SLC12A4: variants seen among roughly 807,000 people sequenced by gnomAD.
SLC12A4 encodes the protein solute carrier family 12 member 4.
In SLC12A4, 84 loss-of-function variants were observed where a neutral mutation model predicts 119.2. The ratio of observed to expected loss-of-function variants is 0.70; its 90% CI spans 0.59 to 0.85. The LOEUF is 0.85. Among genes scored for constraint, SLC12A4 ranks in the 40% least tolerant of loss-of-function variants. The pLI is 0.00. For synonymous variants in SLC12A4, 599 were observed against 604.6 expected (o/e 0.99, Z 0.14); for missense variants, 1,298 against 1,476.3 (o/e 0.88, Z 1.98).
intron 1 of SLC12A4, among the ~76,000 whole-genome samples, chr16:67,965,619 C>T (rs1249651893): frequency 6.6e-6 from 1 of 152,134 alleles, no homozygotes; most frequent in Non-Finnish European, 1.5e-5. Context: ...ACAGCCTGCC[C>T]CATCACTGTT....
chr16:67,950,311 G>C lies in SLC12A4; in HGVS notation c.1629+8C>G. The C allele has an allele frequency of 6.2e-7, 1 of 1,613,106 alleles. No homozygotes were observed. Among genetic ancestry groups the C allele is most frequent in the Non-Finnish European group, 8.5e-7 (1 of 1,179,700 alleles). The stretch of plus-strand genomic sequence containing the variant: ...AGCCAGGCCATGGGGGAGTGCAGAG[G>C]GGCTCACCCGGAGGAAGGGGATGAT... On this transcript the variant is annotated splice_region_variant and intron_variant, in intron 12 of 23. Transcript: ENST00000316341. This position sits in a 1 kb window ranked among gnomAD's most constrained non-coding sequence, Gnocchi z 4.3.
Position 67,944,448 on chromosome 16 carries a change from T to C in SLC12A4, c.*392A>G. ...TGAGCCAGATCTTCCTGCAGGCAGC[T>C]GGGCTGGACTCCCTCCCTGGCTACC... is the stretch of plus-strand genomic sequence containing the variant. On this transcript the variant is annotated 3_prime_UTR_variant, in exon 24 of 24. Transcript: ENST00000316341. This position sits in a 1 kb window ranked among gnomAD's most constrained non-coding sequence, Gnocchi z 6.6. 8.0e-7 allele frequency: 1 copy of C among 1,254,936 alleles called. No homozygotes were observed. The highest frequency in any genetic ancestry group is 1.0e-6 in the Non-Finnish European group (1 of 997,676). 77.7% of individuals were successfully genotyped at this position (1,254,936 alleles called of 1,614,324 possible).
rs746600912 is a variant in SLC12A4, at chr16:67,943,530, G to A, written c.*1310C>T. ...CAAGGTGGGAACAGATAGGTCTGGG[G>A]GCATGGGGGCTGGGCCTAATAGGGG... On this transcript the variant is annotated 3_prime_UTR_variant, in exon 24 of 24. Transcript: ENST00000316341. This position sits in a 1 kb window ranked among gnomAD's most constrained non-coding sequence, Gnocchi z 4.6. 3.9e-4 allele frequency: 199 copies of A among 516,688 alleles called. No homozygotes were observed. The highest frequency in any genetic ancestry group is 3.2e-3 in the Admixed American group (99 of 31,128). The allele number at this position is 516,688 out of a possible 1,614,324, so 32.0% of individuals were successfully genotyped here.
rs201080087 is a variant in SLC12A4, at chr16:67,958,071, A to G, written c.343-27T>C. On this transcript the variant is annotated intron_variant, in intron 3 of 23. Coordinates refer to ENST00000316341, the MANE Select transcript of SLC12A4 (RefSeq NM_005072.5). ...TATGCGAACACAAAGGGAGGGGGCG[A>G]GTAGAGCATCAGAGGGATGCACCAT... The G allele has an allele frequency of 2.8e-3, 4,522 of 1,608,128 alleles. 6 individuals carry two copies. The highest frequency in any genetic ancestry group is 3.4e-3 in the Non-Finnish European group (4,001 of 1,176,646).
rs377728465 is a variant in SLC12A4, at chr16:67,945,156, A to G, written c.3097T>C (p.Ser1033Pro). Reference protein sequence around the residue: ...VKLNEVIVTRSHDARLVLLNM... With the variant: ...VKLNEVIVTRPHDARLVLLNM... ...AGGAGAACCAGGCGGGCGTCGTGGG[A>G]GCGCGTGACAATGACTTCATTGAGC... is the stretch of plus-strand genomic sequence containing the variant. Residue 1033 changes from serine to proline, a missense_variant, in exon 23 of 24, where the codon TCC (serine) becomes CCC (proline). Ser to Pro is a moderately conservative substitution (Grantham distance 74). Transcript: ENST00000316341. 2 of 1,597,752 alleles carry G rather than the reference A, an allele frequency of 1.3e-6. No individual in the cohort carries two copies. Among genetic ancestry groups the G allele is most frequent in the South Asian group, 1.1e-5 (1 of 88,782 alleles).
At position 67,944,414 on chromosome 16, in the gene SLC12A4, A is replaced by G. The variant is rs1657835936; in HGVS notation, c.*426T>C. On this transcript the variant is annotated 3_prime_UTR_variant, in exon 24 of 24. Transcript: ENST00000316341. The surrounding 1 kb of genome is among the most constrained non-coding windows in gnomAD (Gnocchi z 6.6). ...CTCAGCTTGGTGGGGGGCCCTGCCC[A>G]TAGTAGACTGAGCCAGATCTTCCTG... 3.9e-6 allele frequency: 5 copies of G among 1,293,966 alleles called. No homozygotes were observed. Among genetic ancestry groups the G allele is most frequent in the Non-Finnish European group, 4.9e-6 (5 of 1,020,400 alleles). 80.2% of individuals were successfully genotyped at this position (1,293,966 alleles called of 1,614,324 possible).
intron 18 of SLC12A4, 28 bp downstream of exon 18, chr16:67,946,410 G>A: frequency 6.2e-7 from 1 of 1,603,000 alleles, no homozygotes. Flanking sequence ...CTTCACCCCT[G>A]CCCACCAGGC....
At chr16:67,945,615 G>T in intron 21 of SLC12A4, 62 bp from the exon 22 acceptor site, 1 of 1,558,808 alleles carries the variant, frequency 6.4e-7, no homozygotes, top group South Asian at 1.2e-5. Context: ...GGCCTGTCTG[G>T]CCCAATGTGA....
chr16:67,957,714 C>T (rs1325255405), intron 5 of SLC12A4, 28 bp downstream of exon 5: 8 of 1,612,182 alleles, frequency 5.0e-6, no homozygotes, highest in Middle Eastern at 2.1e-4. Context: ...TTTTCTCTTC[C>T]ACCAGGCCTT....
rs932414489 is a variant in SLC12A4, at chr16:67,949,117, T to C, written c.1748+683A>G. 6.6e-6 allele frequency among the ~76,000 whole-genome samples: 1 copy of C among 152,118 alleles called. No homozygotes were observed. The highest frequency in any genetic ancestry group is 1.5e-5 in the Non-Finnish European group (1 of 68,014). ...CCCTGCAAGGCACTGGCACGCAGAT[T>C]TGCCTGGCTGATTCCAGAATGTTAA... On this transcript the variant is annotated intron_variant, in intron 13 of 23. Transcript: ENST00000316341. The surrounding 1 kb of genome is among the most constrained non-coding windows in gnomAD (Gnocchi z 4.6).
chr16:67,956,561 C>A (rs1196067894), intron 5 of SLC12A4, among the ~76,000 whole-genome samples: 1 of 151,932 alleles, frequency 6.6e-6, no homozygotes, highest in East Asian at 1.9e-4. Context: ...GTAATCCCAG[C>A]TACTCAGGAG....
At chr16:67,947,968 G>A in intron 14 of SLC12A4, 93 bp downstream of exon 14, 1 of 1,497,042 alleles carries the variant, frequency 6.7e-7, no homozygotes, top group Non-Finnish European at 9.3e-7. Flanking sequence ...TCCCCACAGT[G>A]TTTCAAGAGC....
chr16:67,959,362 G>A (rs563899689), intron 3 of SLC12A4, among the ~76,000 whole-genome samples: 7 of 152,244 alleles, frequency 4.6e-5, no homozygotes, highest in South Asian at 4.1e-4. Context: ...AAAATCATAC[G>A]GGGAGAGGGG....
Position 67,952,525 on chromosome 16 carries a change from C to G in SLC12A4, c.676-100G>C, listed in dbSNP as rs191111430. On this transcript the variant is annotated intron_variant, in intron 6 of 23. Coordinates refer to ENST00000316341, the MANE Select transcript of SLC12A4 (RefSeq NM_005072.5). ...TTACGAGTACCTAAAAGAGGCCGGG[C>G]GCAGTGGCTCACGCCTGTAATCCCA... 3.7e-6 allele frequency: 5 copies of G among 1,336,254 alleles called. No homozygotes were observed. The South Asian group carries it at 6.4e-5, about 17-fold the overall frequency. 82.8% of individuals were successfully genotyped at this position (1,336,254 alleles called of 1,614,324 possible). A position where few individuals can be genotyped will look rare whatever the true frequency, so the allele number is the denominator to read the frequency against.
intron 3 of SLC12A4, among the ~76,000 whole-genome samples, chr16:67,959,452 G>C (rs561594233): frequency 6.6e-6 from 1 of 152,326 alleles, no homozygotes; most frequent in African/African-American, 2.4e-5. Context: ...ATCTTGTCTA[G>C]CTGAGTCACC....
chr16:67,949,492 A>C lies in SLC12A4; in HGVS notation c.1748+308T>G. 1 of 241,872 alleles carries C rather than the reference A, an allele frequency of 4.1e-6. No individual in the cohort carries two copies. Among genetic ancestry groups the C allele is most frequent in the South Asian group, 1.0e-4 (1 of 9,670 alleles). 15.0% of individuals were successfully genotyped at this position (241,872 alleles called of 1,614,324 possible). A position where few individuals can be genotyped will look rare whatever the true frequency, so the allele number is the denominator to read the frequency against. On this transcript the variant is annotated intron_variant, in intron 13 of 23. Transcript: ENST00000316341. The surrounding 1 kb of genome is among the most constrained non-coding windows in gnomAD (Gnocchi z 4.6). Reference sequence around the variant, plus strand: ...AACCAAAAAACAAACTAACAGATGGAAGGGGCAGCAGTGGCTTCATGGAGG... The same window carrying C: ...AACCAAAAAACAAACTAACAGATGGCAGGGGCAGCAGTGGCTTCATGGAGG...
At position 67,946,929 on chromosome 16, in the gene SLC12A4, G is replaced by A. The variant is rs2058357238; in HGVS notation, c.2241+8C>T. The A allele has an allele frequency of 6.2e-7, 1 of 1,611,960 alleles. No individual in the cohort carries two copies. Among genetic ancestry groups the A allele is most frequent in the African/African-American group, 1.3e-5 (1 of 75,054 alleles). On this transcript the variant is annotated splice_region_variant and intron_variant, in intron 17 of 23. Coordinates refer to ENST00000316341, the MANE Select transcript of SLC12A4 (RefSeq NM_005072.5). ...TCTGGCTCAGCTCTCCCTCCCCAAA[G>A]CAAGTACCTGCTCGGCGGCCTGAGC...
rs529528559 is a variant in SLC12A4 at position 67,944,980 on chromosome 16, C to A, written c.3167-49G>T. 16 of 1,611,702 alleles carry A rather than the reference C, an allele frequency of 9.9e-6. No individual in the cohort carries two copies. The highest frequency in any genetic ancestry group is 1.4e-5 in the Non-Finnish European group (16 of 1,179,014). On this transcript the variant is annotated intron_variant, in intron 23 of 23. Transcript: ENST00000316341. This position sits in a 1 kb window ranked among gnomAD's most constrained non-coding sequence, Gnocchi z 6.6. ...GCAACAACAGAATCAACGGGCAACC[C>A]GGGCCACCTGGGCCATGCCCACCCA...
At chr16:67,966,647 G>C in intron 1 of SLC12A4, 1 of 1,415,770 alleles carries the variant, frequency 7.1e-7, no homozygotes, top group Non-Finnish European at 9.6e-7. Flanking sequence ...CCAGAGCAGA[G>C]GTGTGGGCAC....
Sources: allele counts gnomAD v4.1 joint callset (sites outside exome capture counted in the v4.1 genomes callset), GRCh38; gene constraint gnomAD v4.1.1; non-coding constraint Gnocchi (gnomAD v3.1); transcripts MANE v1.5; gene names NCBI Gene and HGNC (gene_info 2026-07-23, HGNC 2026-07-21).